The following AHR variants were observed in gnomAD, a reference collection of about 807,000 sequenced individuals.
AHR encodes AH-receptor.
Under a neutral mutation model 86.8 loss-of-function variants are expected in AHR, and 40 were observed. The ratio of observed to expected loss-of-function variants is 0.46; its 90% CI spans 0.36 to 0.60. The LOEUF (loss-of-function observed/expected upper bound fraction) is 0.60. Among genes scored for constraint, AHR ranks in the 20% least tolerant of loss-of-function variants. The probability of loss-of-function intolerance (pLI) is 0.00; values close to 1 mark genes in which losing one functional copy is unlikely to be tolerated. For missense variants in AHR, 1,001 were observed against 1,011.6 expected, an observed-to-expected ratio of 0.99 and a Z score of 0.14; for synonymous variants, 398 against 354.9, an observed-to-expected ratio of 1.12 and a Z score of -1.37.
chr7:17,309,959 G>A lies in AHR; in HGVS notation c.89G>A (p.Gly30Glu). The change falls in exon 2 of 11, where the codon GGA becomes GAA. Residue 30 changes from glycine (G) to glutamate (E), a missense_variant. By Grantham distance (98) the Gly-to-Glu change is moderately conservative. Around this residue, in one of 2 missense-constraint regions of AHR, gnomAD observed 394 missense variants for 468.5 expected, o/e 0.84. Coordinates refer to ENST00000242057, the MANE Select transcript of AHR (RefSeq NM_001621.5). Reference protein sequence around the residue: ...QKTVKPIPAEGIKSNPSKRHR... With the variant: ...QKTVKPIPAEEIKSNPSKRHR... Reference sequence around the variant, plus strand: ...AGAGTAAAGCCAATCCCAGCTGAAGGAATCAAGTCAAATCCTTCCAAGCGG... The same window carrying A: ...AGAGTAAAGCCAATCCCAGCTGAAGAAATCAAGTCAAATCCTTCCAAGCGG... The A allele has an allele frequency of 3.1e-6, 5 of 1,594,948 alleles. No homozygotes were observed. Among genetic ancestry groups the A allele is most frequent in the Non-Finnish European group, 4.3e-6 (5 of 1,166,406 alleles).
chr7:17,339,611 C>T lies in AHR; in HGVS notation c.1786C>T (p.Pro596Ser), dbSNP rs1347488569. The change falls in exon 10 of 11, where the codon CCT becomes TCT. Residue 596 changes from proline (P) to serine (S), a missense_variant. Around this residue, in one of 2 missense-constraint regions of AHR, gnomAD observed 607 missense variants for 543.1 expected, o/e 1.12. Coordinates refer to ENST00000242057, the MANE Select transcript of AHR (RefSeq NM_001621.5). ...QDSLSKSPFI[P>S]SDYQQQQSLA... ...TTCTTTAAGTAAGTCTCCCTTCATA[C>T]CTTCAGATTATCAACAGCAACAGTC... The T allele has an allele frequency of 6.2e-7, 1 of 1,614,106 alleles. No homozygotes were observed. Among genetic ancestry groups the T allele is most frequent in the South Asian group, 1.1e-5 (1 of 91,080 alleles).
At position 17,339,600 on chromosome 7, in the gene AHR, C is replaced by G. The variant is rs751144295; in HGVS notation, c.1775C>G (p.Ser592Cys). The change falls in exon 10 of 11, where the codon TCT becomes TGT. Residue 592 changes from serine (S) to cysteine (C), a missense_variant. By Grantham distance (112) the Ser-to-Cys change is moderately radical. Coordinates refer to ENST00000242057, the MANE Select transcript of AHR (RefSeq NM_001621.5). ...LTYVQDSLSK[S>C]PFIPSDYQQQ... ...TATGTCCAAGATTCTTTAAGTAAGT[C>G]TCCCTTCATACCTTCAGATTATCAA... 2.3e-5 allele frequency: 37 copies of G among 1,614,122 alleles called. No individual in the cohort carries two copies. Among genetic ancestry groups the G allele is most frequent in the Non-Finnish European group, 3.1e-5 (36 of 1,180,042 alleles).
Position 17,345,760 on chromosome 7 carries a change from C to A in AHR, c.*2696C>A, listed in dbSNP as rs764277195. 2.6e-5 allele frequency: 4 copies of A among 152,682 alleles called. No individual in the cohort carries two copies. The highest frequency in any genetic ancestry group is 5.9e-5 in the Non-Finnish European group (4 of 67,998). The allele number at this position is 152,682 out of a possible 1,614,324, so 9.5% of individuals were successfully genotyped here. ...AATGTATCTAAGAATAATAAAATCA[C>A]GTTAAACCAAATACACGTTTGTCTG... On this transcript the variant is annotated 3_prime_UTR_variant, in exon 11 of 11. Coordinates refer to ENST00000242057, the MANE Select transcript of AHR (RefSeq NM_001621.5).
chr7:17,342,795 G>A lies in AHR; in HGVS notation c.2404-126G>A. 13 of 870,298 alleles carry A rather than the reference G, an allele frequency of 1.5e-5. No homozygotes were observed. The South Asian group carries it at 2.2e-4, about 14-fold the overall frequency. 53.9% of individuals were successfully genotyped at this position (870,298 alleles called of 1,614,324 possible). A position where few individuals can be genotyped will look rare whatever the true frequency, so the allele number is the denominator to read the frequency against. ...GTGAAAGATTTAAAATTTAGCAACA[G>A]TAAAGGAACTTGAAGTTTACAACTC... On this transcript the variant is annotated intron_variant, in intron 10 of 10. Coordinates refer to ENST00000242057, the MANE Select transcript of AHR (RefSeq NM_001621.5).
chr7:17,312,094 T>C lies in AHR; in HGVS notation c.253+1971T>C, dbSNP rs533942942. ...ATGCATATTGAAGTTTAGGAGCCACTGCTGTAGATTGTAACTTCAGGCCTC... is the reference window on the plus strand; with the variant it reads ...ATGCATATTGAAGTTTAGGAGCCACCGCTGTAGATTGTAACTTCAGGCCTC... On this transcript the variant is annotated intron_variant, in intron 2 of 10. Coordinates refer to ENST00000242057, the MANE Select transcript of AHR (RefSeq NM_001621.5). Among the ~76,000 whole-genome samples the C allele has an allele frequency of 3.3e-5, 5 of 152,338 alleles. No homozygotes were observed. The South Asian group carries it at 1.0e-3, about 32-fold the overall frequency.
chr7:17,310,950 C>G (rs1006609141), intron 2 of AHR, among the ~76,000 whole-genome samples: 3 of 152,190 alleles, frequency 2.0e-5, no homozygotes, highest in Non-Finnish European at 1.5e-5. Context: ...ATTTCATTCT[C>G]TATTGTGTCA....
intron 9 of AHR, 137 bp downstream of exon 9, chr7:17,335,923 A>G (rs898414784): frequency 3.5e-6 from 3 of 851,744 alleles, no homozygotes; most frequent in African/African-American, 1.7e-5. Context: ...AAAGAAGAGC[A>G]CAGGTGAGAG....
In AHR at chr7:17,333,898, G is replaced by A; in HGVS notation, c.706-14G>A. ...AATTTTAATGAACTTTTTTGTTGTT[G>A]TTGCTTTTTTAAGGCAATGAATTTC... On this transcript the variant is annotated splice_polypyrimidine_tract_variant and intron_variant, in intron 6 of 10. Transcript: ENST00000242057. The A allele has an allele frequency of 1.9e-6, 3 of 1,606,584 alleles. No individual in the cohort carries two copies. Among genetic ancestry groups the A allele is most frequent in the Non-Finnish European group, 2.6e-6 (3 of 1,175,178 alleles).
At chr7:17,341,801 A>G (rs1340872175) in intron 10 of AHR, among the ~76,000 whole-genome samples, 2 of 152,194 alleles carry the variant, frequency 1.3e-5, no homozygotes, top group East Asian at 3.8e-4. Flanking sequence ...TATTTTATTT[A>G]ATCTACTGTA....
At chr7:17,312,238 A>G (rs1782072821) in intron 2 of AHR, among the ~76,000 whole-genome samples, 1 of 152,124 alleles carries the variant, frequency 6.6e-6, no homozygotes, top group Non-Finnish European at 1.5e-5. Flanking sequence ...ACCCTTAGAG[A>G]TTCTGGAGTC....
chr7:17,329,177 C>T (rs1782259279), intron 4 of AHR, among the ~76,000 whole-genome samples: 1 of 151,842 alleles, frequency 6.6e-6, no homozygotes. Flanking sequence ...TTATGACTCG[C>T]TCATGGGTAT....
chr7:17,324,238 C>A (rs900322748), intron 3 of AHR, among the ~76,000 whole-genome samples: 2 of 152,172 alleles, frequency 1.3e-5, no homozygotes, highest in East Asian at 3.8e-4. Flanking sequence ...GGAAGACTCA[C>A]ATTCTCTATG....
Position 17,339,482 on chromosome 7 carries a change from A to G in AHR, c.1657A>G (p.Ile553Val), listed in dbSNP as rs1782394330. 6.2e-7 allele frequency: 1 copy of G among 1,614,048 alleles called. No homozygotes were observed. Among genetic ancestry groups the G allele is most frequent in the South Asian group, 1.1e-5 (1 of 91,084 alleles). The change falls in exon 10 of 11, where the codon ATC becomes GTC. Residue 553 changes from isoleucine to valine, a missense_variant. This residue lies in a region of AHR where 607 missense variants were observed against 543.1 expected (regional missense o/e 1.12). Coordinates refer to ENST00000242057, the MANE Select transcript of AHR (RefSeq NM_001621.5). ...AAACCTAGGCATTGATTTTGAAGAC[A>G]TCAGACACATGCAGAATGAAAAATT... Reference protein sequence around the residue: ...MKNLGIDFEDIRHMQNEKFFR... With the variant: ...MKNLGIDFEDVRHMQNEKFFR...
In AHR at chr7:17,340,707, T is replaced by A. The variant is rs184891254; in HGVS notation, c.2403+479T>A. ...TAAACTCAAATTTAAGTGTGCTTTCTTACAATGCCTCTGAAACCCTAGATT... is the reference window on the plus strand; with the variant it reads ...TAAACTCAAATTTAAGTGTGCTTTCATACAATGCCTCTGAAACCCTAGATT... On this transcript the variant is annotated intron_variant, in intron 10 of 10. Transcript: ENST00000242057. 3.5e-4 allele frequency among the ~76,000 whole-genome samples: 53 copies of A among 152,326 alleles called. No individual in the cohort carries two copies. In the Middle Eastern group the frequency reaches 0.01, roughly 29 times the overall value.
Position 17,323,658 on chromosome 7 carries a change from C to A in AHR, c.360+1051C>A, listed in dbSNP as rs113812427. Among the ~76,000 whole-genome samples, 116 of 152,286 alleles carry A rather than the reference C, an allele frequency of 7.6e-4. 1 individual carries two copies. Among genetic ancestry groups the A allele is most frequent in the African/African-American group, 2.7e-3 (111 of 41,574 alleles). On this transcript the variant is annotated intron_variant, in intron 3 of 10. Transcript: ENST00000242057. Reference sequence around the variant, plus strand: ...AAAAAGTAACCCTAAGTTTCGGTAACTCCACTAGTTCATTCAGTGGATGGT... The same window carrying A: ...AAAAAGTAACCCTAAGTTTCGGTAAATCCACTAGTTCATTCAGTGGATGGT...
At chr7:17,334,182 T>C in intron 7 of AHR, 68 bp downstream of exon 7, 1 of 1,356,600 alleles carries the variant, frequency 7.4e-7, no homozygotes, top group Non-Finnish European at 1.0e-6. Flanking sequence ...TCTCTTAGCA[T>C]GTAAAACATA....
In AHR at chr7:17,343,120, T is replaced by C; in HGVS notation, c.*56T>C. ...GATTAAATTAGTTTGTGAAGGATTATGGAAAAATAAAACTGTCACTGTTGG... is the reference window on the plus strand; with the variant it reads ...GATTAAATTAGTTTGTGAAGGATTACGGAAAAATAAAACTGTCACTGTTGG... On this transcript the variant is annotated 3_prime_UTR_variant, in exon 11 of 11. Transcript: ENST00000242057. The C allele has an allele frequency of 3.8e-6, 6 of 1,586,934 alleles. No homozygotes were observed. Among genetic ancestry groups the C allele is most frequent in the Non-Finnish European group, 4.3e-6 (5 of 1,157,426 alleles).
intron 9 of AHR, among the ~76,000 whole-genome samples, chr7:17,338,215 AT>A (rs1332794168): frequency 2.0e-5 from 3 of 151,380 alleles, no homozygotes; most frequent in Admixed American, 1.3e-4. Flanking sequence ...AAAAAAAAAA[AT>A]CTATTGCAAA....
At chr7:17,302,617 G>A (rs1357717600) in intron 1 of AHR, among the ~76,000 whole-genome samples, 1 of 151,872 alleles carries the variant, frequency 6.6e-6, no homozygotes, top group Non-Finnish European at 1.5e-5. Context: ...TGAAGTAAGT[G>A]AAAGTGTTTA....
Sources: gnomAD v4.1 joint callset for allele counts (sites outside exome capture counted in the v4.1 genomes callset) on GRCh38, gnomAD v4.1.1 for gene constraint, gnomAD v4.1.1 regional missense constraint, MANE v1.5 for transcripts, NCBI Gene and HGNC (gene_info 2026-07-23, HGNC 2026-07-21) for gene names.